Variants in C10orf90 observed in about 807,000 individuals in gnomAD.
The protein encoded by C10orf90 is chromosome 10 open reading frame 90, also known as (E2-independent) E3 ubiquitin-conjugating enzyme FATS.
In C10orf90, 56 loss-of-function variants were observed where a neutral mutation model predicts 62.5. The observed-to-expected ratio is 0.90, with a 90% CI of 0.72 to 1.12. The LOEUF is 1.12. Among genes scored for constraint, C10orf90 ranks in the 50% most tolerant of loss-of-function variants. C10orf90 has a pLI of 0.00. For synonymous variants in C10orf90, 386 were observed against 340.4 expected (o/e 1.13, Z -1.47); for missense variants, 970 against 880.4 (o/e 1.10, Z -1.29).
At chr10:126,543,940 G>A (rs1864432256) in intron 2 of C10orf90, among the ~76,000 whole-genome samples, 1 of 152,174 alleles carries the variant, frequency 6.6e-6, no homozygotes, top group Non-Finnish European at 1.5e-5. Context: ...GCGGTGACAT[G>A]TCAGCAGAAG....
intron 2 of C10orf90, among the ~76,000 whole-genome samples, chr10:126,618,538 C>A (rs1027881454): frequency 6.6e-6 from 1 of 152,124 alleles, no homozygotes; most frequent in Non-Finnish European, 1.5e-5. Flanking sequence ...ATAAGCTAAA[C>A]CTCTTCCTCC....
In C10orf90 at chr10:126,565,688, G is replaced by A. The variant is rs150963646; in HGVS notation, c.314-51749C>T. Reference sequence around the variant, plus strand: ...GAACAAATTGGAAACAGAAAACAAAGGATGAAAAGAGGCCATCCCCATGCA... The same window carrying A: ...GAACAAATTGGAAACAGAAAACAAAAGATGAAAAGAGGCCATCCCCATGCA... On this transcript the variant is annotated intron_variant, in intron 2 of 9. Coordinates refer to ENST00000488181, the MANE Select transcript of C10orf90 (RefSeq NM_001350921.2). Among the ~76,000 whole-genome samples, 553 of 152,000 alleles carry A rather than the reference G, an allele frequency of 3.6e-3. 3 individuals carry two copies. Among genetic ancestry groups the A allele is most frequent in the African/African-American group, 0.012 (491 of 41,460 alleles).
At chr10:126,518,227 G>A (rs1416127734) in intron 2 of C10orf90, among the ~76,000 whole-genome samples, 1 of 152,152 alleles carries the variant, frequency 6.6e-6, no homozygotes, top group Non-Finnish European at 1.5e-5. Flanking sequence ...CACGATGGGG[G>A]CACTTGTTGG....
At chr10:126,433,960 C>T (rs1341318069) in intron 7 of C10orf90, among the ~76,000 whole-genome samples, 5 of 152,108 alleles carry the variant, frequency 3.3e-5, no homozygotes, top group Non-Finnish European at 7.4e-5. Flanking sequence ...GTGTTTTCCC[C>T]CAGTAAAATT....
At chr10:126,662,764 C>G in intron 1 of C10orf90, among the ~76,000 whole-genome samples, 2 of 150,306 alleles carry the variant, frequency 1.3e-5, no homozygotes, top group East Asian at 3.9e-4. Flanking sequence ...TGTAGACACC[C>G]TGGCCTGGCA....
intron 2 of C10orf90, among the ~76,000 whole-genome samples, chr10:126,635,967 C>T (rs1019123073): frequency 3.3e-5 from 5 of 152,236 alleles, no homozygotes; most frequent in Non-Finnish European, 5.9e-5. Flanking sequence ...CTCCCCTCAG[C>T]GCAGAGGTCA....
chr10:126,592,089 G>A (rs982449259), intron 2 of C10orf90, among the ~76,000 whole-genome samples: 4 of 152,126 alleles, frequency 2.6e-5, no homozygotes, highest in Non-Finnish European at 5.9e-5. Flanking sequence ...TCATGAATAG[G>A]AAGAATCAAT....
At chr10:126,541,900 T>C (rs112670076) in intron 2 of C10orf90, among the ~76,000 whole-genome samples, 7 of 152,266 alleles carry the variant, frequency 4.6e-5, no homozygotes, top group African/African-American at 1.7e-4. Flanking sequence ...CTACTTACAA[T>C]AGCCAAAAAG....
At chr10:126,473,544 T>C (rs1375875495) in intron 4 of C10orf90, among the ~76,000 whole-genome samples, 1 of 152,134 alleles carries the variant, frequency 6.6e-6, no homozygotes, top group Non-Finnish European at 1.5e-5. Context: ...TCCTGGCAAC[T>C]ACTTTATGAA....
intron 2 of C10orf90, among the ~76,000 whole-genome samples, chr10:126,567,864 G>A (rs567644140): frequency 6.6e-6 from 1 of 152,120 alleles, no homozygotes; most frequent in African/African-American, 2.4e-5. Flanking sequence ...TGAGAGGGAG[G>A]AGTGACTAGG....
chr10:126,561,851 AG>A (rs1864909053), intron 2 of C10orf90, among the ~76,000 whole-genome samples: 1 of 152,234 alleles, frequency 6.6e-6, no homozygotes, highest in Non-Finnish European at 1.5e-5. Flanking sequence ...ACAGGAGCAC[AG>A]GAAGAGAGGA....
chr10:126,663,323 G>A (rs1175795651), intron 1 of C10orf90, among the ~76,000 whole-genome samples: 1 of 152,138 alleles, frequency 6.6e-6, no homozygotes, highest in African/African-American at 2.4e-5. Flanking sequence ...AGCTGTTGTT[G>A]TCAGGAGATG....
intron 1 of C10orf90, among the ~76,000 whole-genome samples, chr10:126,666,544 C>G (rs553913829): frequency 2.6e-5 from 4 of 152,056 alleles, no homozygotes; most frequent in Non-Finnish European, 4.4e-5. Context: ...AGCATGAGCA[C>G]GAGGAGGGGT....
intron 2 of C10orf90, among the ~76,000 whole-genome samples, chr10:126,558,069 G>T (rs1235598626): frequency 1.3e-5 from 2 of 152,068 alleles, no homozygotes; most frequent in African/African-American, 4.8e-5. Context: ...CTCACAGCAG[G>T]AGCCCACCTT....
chr10:126,491,537 G>A (rs752376012), intron 4 of C10orf90, among the ~76,000 whole-genome samples: 10 of 152,076 alleles, frequency 6.6e-5, no homozygotes, highest in Non-Finnish European at 1.5e-4. Flanking sequence ...AAGTATGATG[G>A]CATCGGGATT....
rs1846560129 is a variant in C10orf90, at chr10:126,663,487, CT to C, written c.240+6753del. Among the ~76,000 whole-genome samples the C allele has an allele frequency of 3.3e-5, 5 of 152,314 alleles. No homozygotes were observed. In the South Asian group the frequency reaches 1.0e-3, roughly 32 times the overall value. The stretch of plus-strand genomic sequence containing the variant: ...GAATTTTCTCTTTGGAAAAATAGGC[CT>C]CATGTGTCTCACACAGCTGTGGTGA... On this transcript the variant is annotated intron_variant, in intron 1 of 9. Coordinates refer to ENST00000488181, the MANE Select transcript of C10orf90 (RefSeq NM_001350921.2).
chr10:126,576,666 T>TGAAAGG (rs1370178322), intron 2 of C10orf90, among the ~76,000 whole-genome samples: 1 of 53,956 alleles, frequency 1.9e-5, no homozygotes, highest in Non-Finnish European at 3.7e-5. Context: ...TATGTATACA[T>TGAAAGG]ATATATGTAT....
intron 2 of C10orf90, among the ~76,000 whole-genome samples, chr10:126,637,376 TCCCACCAGCCAGCCCATTCC>T (rs1015209019): frequency 2.6e-5 from 4 of 152,130 alleles, no homozygotes; most frequent in Admixed American, 2.0e-4. Flanking sequence ...AGCTCCTACC[TCCCACCAGCCAGCCCATTCC>T]CCCACCAGGG....
intron 5 of C10orf90, among the ~76,000 whole-genome samples, chr10:126,463,628 G>A (rs1334678107): frequency 6.6e-6 from 1 of 152,154 alleles, no homozygotes; most frequent in African/African-American, 2.4e-5. Flanking sequence ...CGTCATGTGT[G>A]CCTTTCCCTT....
Sources: allele counts gnomAD v4.1 joint callset (sites outside exome capture counted in the v4.1 genomes callset), GRCh38; gene constraint gnomAD v4.1.1; transcripts MANE v1.5; gene names NCBI Gene and HGNC (gene_info 2026-07-23, HGNC 2026-07-21).